Variants in CHD1L observed in about 807,000 individuals in gnomAD.
The protein encoded by CHD1L is ATP-dependent chromatin remodeler CHD1L.
CHD1L carries 118 observed loss-of-function variants against 115.9 expected under a neutral mutation model. That is an observed-to-expected ratio of 1.02 (90% CI 0.88 to 1.19). The LOEUF (loss-of-function observed/expected upper bound fraction) is 1.19. Among genes scored for constraint, CHD1L ranks in the 50% most tolerant of loss-of-function variants. The pLI is 0.00. For synonymous variants in CHD1L, 411 were observed against 387.1 expected, an observed-to-expected ratio of 1.06 and a Z score of -0.72; for missense variants, 1,179 against 1,065.3, an observed-to-expected ratio of 1.11 and a Z score of -1.49.
chr1:147,204,966 T>A, the CHD1L span: 2 of 1,293,590 alleles, frequency 1.5e-6, no homozygotes, highest in South Asian at 1.2e-5. Flanking sequence ...ACGTGACCGC[T>A]CAGAAGACCG....
Position 147,295,532 on chromosome 1 carries a change from T to C in CHD1L, c.*23T>C, listed in dbSNP as rs782488254. On this transcript the variant is annotated 3_prime_UTR_variant, in exon 23 of 23. Transcript: ENST00000369258. The stretch of plus-strand genomic sequence containing the variant: ...TAAGAATTGGCCCAGCCTCAGATCC[T>C]GTCTTTAGCAACCAGCTAATATTTA... The C allele has an allele frequency of 6.5e-7, 1 of 1,545,694 alleles. No individual in the cohort carries two copies.
chr1:147,178,285 G>A, the CHD1L span: 2 of 1,613,366 alleles, frequency 1.2e-6, no homozygotes, highest in Non-Finnish European at 1.7e-6. Context: ...CCCCTGGTGT[G>A]GACACTGCAA....
the CHD1L span, among the ~76,000 whole-genome samples, chr1:147,218,443 A>T: frequency 2.0e-5 from 3 of 151,820 alleles, no homozygotes; most frequent in African/African-American, 7.3e-5. Flanking sequence ...TCACCATGTT[A>T]GCCAGGCTGG....
intron 1 of CHD1L, among the ~76,000 whole-genome samples, chr1:147,252,068 T>A (rs868931948): frequency 7.2e-5 from 11 of 152,316 alleles, no homozygotes; most frequent in Middle Eastern, 3.4e-3. Context: ...AGAGAGTAAG[T>A]TCCGTATTAA....
chr1:147,210,099 T>C, the CHD1L span: 201 of 152,308 alleles, frequency 1.3e-3, 1 homozygote, highest in African/African-American at 4.7e-3. Flanking sequence ...GAAAGTATTA[T>C]TACACCCATG....
At chr1:147,202,160 C>G in the CHD1L span, among the ~76,000 whole-genome samples, 1 of 151,898 alleles carries the variant, frequency 6.6e-6, no homozygotes, top group Non-Finnish European at 1.5e-5. Context: ...TCTTGGTATA[C>G]TTCGGGCTTG....
intron 14 of CHD1L, among the ~76,000 whole-genome samples, chr1:147,278,372 G>C (rs1422121896): frequency 1.3e-5 from 2 of 151,306 alleles, no homozygotes; most frequent in Non-Finnish European, 1.5e-5. Flanking sequence ...CTACAGGCGC[G>C]CACCACCACG....
chr1:147,265,843 A>G (rs1270538065), intron 7 of CHD1L, 89 bp from the exon 8 acceptor site: 4 of 1,247,460 alleles, frequency 3.2e-6, no homozygotes, highest in Non-Finnish European at 4.4e-6. Flanking sequence ...GAAATAAGAA[A>G]CAAAAATAAA....
Position 147,259,885 on chromosome 1 carries a change from C to G in CHD1L, c.543C>G (p.Asn181Lys), listed in dbSNP as rs782610778. 1 of 1,613,850 alleles carries G rather than the reference C, an allele frequency of 6.2e-7. No individual in the cohort carries two copies. Among genetic ancestry groups the G allele is most frequent in the East Asian group, 2.2e-5 (1 of 44,868 alleles). The stretch of plus-strand genomic sequence containing the variant: ...TGGATGAAGCTCACAGGTTGAAAAA[C>G]CAAAGCTCCCTGCTGCATAAGACCT... The part of the protein sequence containing the change: ...LVVDEAHRLK[N>K]QSSLLHKTLS... Residue 181 changes from asparagine to lysine, a missense_variant, in exon 6 of 23, where the codon AAC (asparagine) becomes AAG (lysine). By Grantham distance (94) the Asn-to-Lys change is moderately conservative. Coordinates refer to ENST00000369258, the MANE Select transcript of CHD1L (RefSeq NM_004284.6).
At chr1:147,277,600 C>G (rs1194396326) in intron 14 of CHD1L, among the ~76,000 whole-genome samples, 1 of 151,860 alleles carries the variant, frequency 6.6e-6, no homozygotes, top group Non-Finnish European at 1.5e-5. Flanking sequence ...TTCTGACTTT[C>G]CTTGTGTTGC....
chr1:147,225,038 G>C, the CHD1L span: 3 of 1,613,972 alleles, frequency 1.9e-6, no homozygotes, highest in East Asian at 2.2e-5. Context: ...ATGGTCTCCC[G>C]AGATCTTCAC....
intron 17 of CHD1L, 136 bp from the exon 18 acceptor site, chr1:147,286,162 G>A (rs587714892): frequency 1.2e-6 from 1 of 819,992 alleles, no homozygotes; most frequent in African/African-American, 1.7e-5. Context: ...CAAATAAGTA[G>A]AAAACTTCAA....
At chr1:147,242,550 A>T, upstream of CHD1L, 1 of 776,244 alleles carries the variant, frequency 1.3e-6, no homozygotes, top group Non-Finnish European at 1.7e-6. Flanking sequence ...GGGTGACTGC[A>T]CCAGCTCCGC....
the CHD1L span, chr1:147,184,510 C>T: frequency 6.5e-7 from 1 of 1,546,440 alleles, no homozygotes; most frequent in Non-Finnish European, 8.7e-7. The surrounding 1 kb of genome is among the most constrained non-coding windows in gnomAD (Gnocchi z 4.4). Context: ...CCTTAGGCCC[C>T]TTTATTCCGG....
chr1:147,247,752 T>C (rs587595496), intron 1 of CHD1L, among the ~76,000 whole-genome samples: 1 of 152,124 alleles, frequency 6.6e-6, no homozygotes, highest in South Asian at 2.1e-4. Context: ...CTGCATTCCT[T>C]TCTGGAGGCT....
intron 6 of CHD1L, among the ~76,000 whole-genome samples, chr1:147,262,169 C>T (rs1672172869): frequency 7.3e-6 from 1 of 136,884 alleles, no homozygotes; most frequent in Non-Finnish European, 1.5e-5. Flanking sequence ...GCACTCCAGC[C>T]TGGGCGACAG....
chr1:147,259,348 T>A (rs1417203250), intron 5 of CHD1L: 1 of 152,504 alleles, frequency 6.6e-6, no homozygotes, highest in Non-Finnish European at 1.5e-5. Flanking sequence ...AAGTCACACT[T>A]CTTAAGTTCC....
intron 19 of CHD1L, 90 bp downstream of exon 19, chr1:147,287,823 A>T: frequency 9.6e-7 from 1 of 1,045,978 alleles, no homozygotes; most frequent in Non-Finnish European, 1.4e-6. Context: ...ACAGCACTAG[A>T]TAAGGAATTA....
the CHD1L span, among the ~76,000 whole-genome samples, chr1:147,188,306 T>G: frequency 5.5e-4 from 83 of 151,954 alleles, no homozygotes; most frequent in Non-Finnish European, 1.1e-3. Flanking sequence ...GCGGATCACT[T>G]TGAGCTCAGG....
Sources: allele counts gnomAD v4.1 joint callset (sites outside exome capture counted in the v4.1 genomes callset), GRCh38; gene constraint gnomAD v4.1.1; non-coding constraint Gnocchi (gnomAD v3.1); transcripts MANE v1.5; gene names NCBI Gene and HGNC (gene_info 2026-07-23, HGNC 2026-07-21).